GREB1L: variants seen among roughly 807,000 people sequenced by gnomAD.
The protein encoded by GREB1L is GREB1 like retinoic acid receptor coactivator.
In GREB1L, 17 loss-of-function variants were observed where a neutral mutation model predicts 200.8. The observed-to-expected ratio is 0.08, with a 90% confidence interval of 0.06 to 0.13. The LOEUF (loss-of-function observed/expected upper bound fraction) is 0.13. Among genes scored for constraint, GREB1L ranks in the 10% least tolerant of loss-of-function variants. GREB1L has a pLI of 1.00. For missense variants in GREB1L, 1,657 were observed against 2,367.7 expected (o/e 0.70, Z 6.23); for synonymous variants, 789 against 893.0 (o/e 0.88, Z 2.08).
chr18:21,333,334 C>G (rs922186276), intron 1 of GREB1L, among the ~76,000 whole-genome samples: 1 of 152,106 alleles, frequency 6.6e-6, no homozygotes, highest in African/African-American at 2.4e-5. Flanking sequence ...CTTAGTTACT[C>G]TGTGATTATA....
In GREB1L at chr18:21,429,128, T is replaced by TTCC. The variant is rs551931068; in HGVS notation, c.833-10391_833-10389dup. On this transcript the variant is annotated intron_variant, in intron 7 of 32. Coordinates refer to ENST00000424526, the MANE Select transcript of GREB1L (RefSeq NM_001142966.3). ...TATTCTCCCTTCCTTCCTTCCTTCC[T>TTCC]TCCTTCCTTCCTTCCTTCCTCCCTT... Among the ~76,000 whole-genome samples, 1,250 of 134,522 alleles carry TTCC rather than the reference T, an allele frequency of 9.3e-3. 31 individuals carry two copies. Among genetic ancestry groups the TTCC allele is most frequent in the African/African-American group, 0.035 (1,173 of 33,182 alleles). 88.3% of individuals were successfully genotyped at this position (134,522 alleles called of 152,430 possible). A position where few individuals can be genotyped will look rare whatever the true frequency, so the allele number is the denominator to read the frequency against.
At chr18:21,309,163 A>C (rs1304402281) in intron 1 of GREB1L, among the ~76,000 whole-genome samples, 4 of 152,222 alleles carry the variant, frequency 2.6e-5, no homozygotes, top group Non-Finnish European at 5.9e-5. Context: ...GTCTTTAAAA[A>C]GTTTCTTCAC....
At chr18:21,416,536 C>CA (rs1191917748) in intron 7 of GREB1L, among the ~76,000 whole-genome samples, 3 of 151,758 alleles carry the variant, frequency 2.0e-5, no homozygotes, top group Admixed American at 6.6e-5. Context: ...CCTAAATATA[C>CA]AAAAAATTAG....
intron 17 of GREB1L, among the ~76,000 whole-genome samples, chr18:21,485,101 C>T (rs1246464585): frequency 1.3e-5 from 2 of 152,060 alleles, no homozygotes; most frequent in African/African-American, 2.4e-5. Context: ...GAGGGGGCTA[C>T]GTTAAATACT....
intron 18 of GREB1L, among the ~76,000 whole-genome samples, chr18:21,489,318 G>A (rs1308191841): frequency 1.3e-5 from 2 of 152,084 alleles, no homozygotes; most frequent in African/African-American, 4.8e-5. Context: ...ACAACACTAG[G>A]GGGTGCTATT....
intron 1 of GREB1L, among the ~76,000 whole-genome samples, chr18:21,254,602 A>G (rs1253630621): frequency 6.6e-6 from 1 of 152,120 alleles, no homozygotes; most frequent in Non-Finnish European, 1.5e-5. Flanking sequence ...AAGGTATTAA[A>G]CAGTAATGAG....
In GREB1L at chr18:21,440,508, A is replaced by T. The variant is rs867673382; in HGVS notation, c.1069+120A>T. On this transcript the variant is annotated intron_variant, in intron 9 of 32. Transcript: ENST00000424526. ...TATATGAGGATATTGATAGTAGCTA[A>T]TGTTTTGTCCCGATCACATTTGCCT... 17 of 992,320 alleles carry T rather than the reference A, an allele frequency of 1.7e-5. No individual in the cohort carries two copies. In the Middle Eastern group the frequency reaches 1.1e-3, roughly 65 times the overall value. The allele number at this position is 992,320 out of a possible 1,614,324, so 61.5% of individuals were successfully genotyped here. A position where few individuals can be genotyped will look rare whatever the true frequency, so the allele number is the denominator to read the frequency against.
intron 4 of GREB1L, among the ~76,000 whole-genome samples, chr18:21,390,690 C>T (rs1351650662): frequency 6.6e-6 from 1 of 152,130 alleles, no homozygotes; most frequent in South Asian, 2.1e-4. Context: ...GCGCCCACCA[C>T]CATGCCCAGC....
chr18:21,487,348 A>C (rs1343097883), intron 18 of GREB1L, among the ~76,000 whole-genome samples: 1 of 152,244 alleles, frequency 6.6e-6, no homozygotes, highest in Non-Finnish European at 1.5e-5. Flanking sequence ...ATTCTTCCAG[A>C]GTATGAAACA....
In GREB1L at chr18:21,330,294, G is replaced by A. The variant is rs1441686334; in HGVS notation, c.-119-35733G>A. On this transcript the variant is annotated intron_variant, in intron 1 of 32. Coordinates refer to ENST00000424526, the MANE Select transcript of GREB1L (RefSeq NM_001142966.3). ...GGAAGGATAAACAAATATTTTCACA[G>A]GGTGCGTCCAGAACTGAGTATTCAA... is the stretch of plus-strand genomic sequence containing the variant. 7.2e-5 allele frequency among the ~76,000 whole-genome samples: 11 copies of A among 152,308 alleles called. No individual in the cohort carries two copies. The East Asian group carries it at 2.1e-3, about 29-fold the overall frequency.
chr18:21,479,031 G>A (rs1328218837), intron 17 of GREB1L, among the ~76,000 whole-genome samples: 1 of 152,088 alleles, frequency 6.6e-6, no homozygotes, highest in African/African-American at 2.4e-5. Flanking sequence ...ACAGGTGCTC[G>A]CCACCTTGCC....
At chr18:21,262,971 C>T (rs2037912576) in intron 1 of GREB1L, among the ~76,000 whole-genome samples, 1 of 152,170 alleles carries the variant, frequency 6.6e-6, no homozygotes, top group South Asian at 2.1e-4. Flanking sequence ...TTTATAAGGA[C>T]ATTCTGCTTT....
rs139031917 is a variant in GREB1L at position 21,378,429 on chromosome 18, C to T, written c.-9-5081C>T. ...TTGAGACAGAGTCTTGCTGTGTTGC[C>T]CAGGCTGGAGTGCAGCAGCGCCATC... On this transcript the variant is annotated intron_variant, in intron 2 of 32. Coordinates refer to ENST00000424526, the MANE Select transcript of GREB1L (RefSeq NM_001142966.3). Among the ~76,000 whole-genome samples the T allele has an allele frequency of 9.2e-5, 14 of 151,850 alleles. 1 individual carries two copies. The East Asian group carries it at 2.7e-3, about 29-fold the overall frequency.
intron 1 of GREB1L, among the ~76,000 whole-genome samples, chr18:21,276,924 CTTT>C (rs573871373): frequency 0.1 from 10,753 of 107,118 alleles, 1,093 homozygotes; most frequent in African/African-American, 0.3. Context: ...CAGCCCAGCC[CTTT>C]TTTTTTTTTT....
intron 1 of GREB1L, among the ~76,000 whole-genome samples, chr18:21,267,799 C>T (rs990260023): frequency 6.6e-6 from 1 of 151,392 alleles, no homozygotes; most frequent in African/African-American, 2.4e-5. Context: ...CAGTCCCACC[C>T]CAAGCTTTTT....
intron 1 of GREB1L, among the ~76,000 whole-genome samples, chr18:21,347,842 C>A (rs1352812434): frequency 5.4e-5 from 8 of 148,272 alleles, no homozygotes; most frequent in Non-Finnish European, 1.0e-4. Context: ...TCTCGGCTCA[C>A]TGCAATCCCC....
At position 21,522,731 on chromosome 18, in the gene GREB1L, T is replaced by C. The variant is rs2037625060; in HGVS notation, c.5682T>C (p.Asp1894=). The stretch of plus-strand genomic sequence containing the variant: ...CAATTGTCCGCTTAGAGCTAGAAGA[T>C]GAGTGGCAGTTCCGCCTCCGGGACG... The part of the protein sequence containing the change: ...RQTIVRLELE[D]EWQFRLRDEF... Residue 1894 remains aspartate (D), a synonymous_variant, in exon 33 of 33, where the codon GAT becomes GAC. Coordinates refer to ENST00000424526, the MANE Select transcript of GREB1L (RefSeq NM_001142966.3). 1 of 1,551,604 alleles carries C rather than the reference T, an allele frequency of 6.4e-7. No individual in the cohort carries two copies. Among genetic ancestry groups the C allele is most frequent in the Admixed American group, 2.0e-5 (1 of 50,982 alleles).
intron 7 of GREB1L, among the ~76,000 whole-genome samples, chr18:21,433,637 T>C (rs1299617338): frequency 1.3e-5 from 2 of 152,226 alleles, no homozygotes; most frequent in South Asian, 2.1e-4. Context: ...TAGAGAAGCA[T>C]GTTAACTCAT....
chr18:21,365,477 C>A (rs1485532012), intron 1 of GREB1L, among the ~76,000 whole-genome samples: 1 of 152,064 alleles, frequency 6.6e-6, no homozygotes, highest in South Asian at 2.1e-4. Context: ...AGTTTAATAT[C>A]TTCTAGGAAT....
Sources: allele counts gnomAD v4.1 joint callset (sites outside exome capture counted in the v4.1 genomes callset), GRCh38; gene constraint gnomAD v4.1.1; transcripts MANE v1.5; gene names NCBI Gene and HGNC (gene_info 2026-07-23, HGNC 2026-07-21).